DOCK1: variants seen among roughly 807,000 people sequenced by gnomAD.
DOCK1 encodes the protein dedicator of cytokinesis protein 1.
A neutral mutation model predicts 262.7 loss-of-function variants in DOCK1; 138 were observed. The observed-to-expected ratio is 0.53, with a 90% CI of 0.46 to 0.61. The LOEUF is 0.61. DOCK1 is among the 20% of genes least tolerant of loss of function. The pLI is 0.00. For missense variants in DOCK1, 1,908 were observed against 2,370.7 expected, an observed-to-expected ratio of 0.80 and a Z score of 4.05; for synonymous variants, 866 against 867.4, an observed-to-expected ratio of 1.00 and a Z score of 0.03.
chr10:127,334,828 T>C (rs1348763522), intron 29 of DOCK1, among the ~76,000 whole-genome samples: 1 of 152,200 alleles, frequency 6.6e-6, no homozygotes, highest in African/African-American at 2.4e-5. Context: ...AAGACATAAT[T>C]TGTGTGGTTC....
At chr10:127,223,599 A>G (rs2058522033) in intron 27 of DOCK1, among the ~76,000 whole-genome samples, 1 of 152,202 alleles carries the variant, frequency 6.6e-6, no homozygotes, top group African/African-American at 2.4e-5. Flanking sequence ...CAAACTCTGA[A>G]ATAATCTGCA....
chr10:127,329,769 GGAC>G (rs934840343), intron 29 of DOCK1, among the ~76,000 whole-genome samples: 11 of 152,150 alleles, frequency 7.2e-5, no homozygotes, highest in African/African-American at 2.7e-4. Context: ...TGAAATAGGT[GGAC>G]GAGGCAGGAT....
intron 28 of DOCK1, among the ~76,000 whole-genome samples, chr10:127,253,959 A>G (rs1345328360): frequency 2.2e-4 from 34 of 151,118 alleles, no homozygotes; most frequent in Admixed American, 2.1e-3. Context: ...TGCTTCCGTC[A>G]TGTGTCTCCA....
chr10:127,166,003 G>A (rs2054037612), intron 27 of DOCK1, among the ~76,000 whole-genome samples: 1 of 152,068 alleles, frequency 6.6e-6, no homozygotes, highest in Non-Finnish European at 1.5e-5. Flanking sequence ...CAAGTAAAAG[G>A]GAAAATCCAG....
At chr10:127,152,795 A>G (rs147655320) in intron 27 of DOCK1, among the ~76,000 whole-genome samples, 327 of 152,320 alleles carry the variant, frequency 2.1e-3, no homozygotes, top group Non-Finnish European at 3.5e-3. Context: ...TTCGGTGCCT[A>G]TCTCTACCTG....
chr10:127,014,956 G>C (rs141491988), intron 12 of DOCK1: 3 of 152,204 alleles, frequency 2.0e-5, no homozygotes, highest in Admixed American at 2.0e-4. Flanking sequence ...TGCAGCCAGC[G>C]CCAGGACCTG....
intron 29 of DOCK1, among the ~76,000 whole-genome samples, chr10:127,259,789 A>ATTT (rs10534535): frequency 2.0e-4 from 29 of 144,988 alleles, no homozygotes; most frequent in African/African-American, 2.6e-4. Context: ...TTAGTTCATG[A>ATTT]TTTTTTTTTT....
chr10:127,340,370 T>C (rs1386377709), intron 30 of DOCK1, among the ~76,000 whole-genome samples: 1 of 152,208 alleles, frequency 6.6e-6, no homozygotes, highest in Non-Finnish European at 1.5e-5. Context: ...TTGTCACGCT[T>C]TCAGCATTTA....
intron 27 of DOCK1, among the ~76,000 whole-genome samples, chr10:127,197,508 C>T (rs1005176823): frequency 3.3e-5 from 5 of 151,174 alleles, no homozygotes; most frequent in African/African-American, 1.2e-4. Context: ...GGCTCCTGGC[C>T]CCCTGGATTT....
At chr10:127,090,325 G>C (rs928422061) in intron 23 of DOCK1, among the ~76,000 whole-genome samples, 5 of 152,090 alleles carry the variant, frequency 3.3e-5, no homozygotes, top group African/African-American at 1.2e-4. Flanking sequence ...GGTGTTTGTC[G>C]GTCGCCGCTG....
intron 27 of DOCK1, among the ~76,000 whole-genome samples, chr10:127,168,971 G>T (rs769783857): frequency 6.6e-6 from 1 of 152,152 alleles, no homozygotes; most frequent in Non-Finnish European, 1.5e-5. Context: ...CCCCTGACAG[G>T]TCTCTCTGAT....
At chr10:127,215,134 A>G (rs2058149476) in intron 27 of DOCK1, among the ~76,000 whole-genome samples, 1 of 152,042 alleles carries the variant, frequency 6.6e-6, no homozygotes. Context: ...CCTCGCTATC[A>G]GCCTTCTTTA....
chr10:127,153,578 C>T (rs955775604), intron 27 of DOCK1, among the ~76,000 whole-genome samples: 2 of 152,284 alleles, frequency 1.3e-5, no homozygotes, highest in African/African-American at 2.4e-5. Context: ...TCACACCTAT[C>T]GATTCCAAGG....
At chr10:127,018,195 G>A (rs1439279238) in intron 12 of DOCK1, among the ~76,000 whole-genome samples, 1 of 152,206 alleles carries the variant, frequency 6.6e-6, no homozygotes, top group Non-Finnish European at 1.5e-5. Flanking sequence ...GGGCTGTCCT[G>A]CTGGTGGCCC....
At chr10:127,177,531 G>A (rs2055280910) in intron 27 of DOCK1, among the ~76,000 whole-genome samples, 1 of 152,218 alleles carries the variant, frequency 6.6e-6, no homozygotes, top group East Asian at 1.9e-4. Context: ...ACAGTCAAAC[G>A]GAAGGCACTG....
intron 27 of DOCK1, among the ~76,000 whole-genome samples, chr10:127,154,503 A>G (rs2133535864): frequency 6.6e-6 from 1 of 152,394 alleles, no homozygotes; most frequent in South Asian, 2.1e-4. Context: ...TTTACTTTTG[A>G]AAATAAAATG....
chr10:127,357,117 C>T (rs768312397), intron 32 of DOCK1, among the ~76,000 whole-genome samples: 9 of 152,288 alleles, frequency 5.9e-5, no homozygotes, highest in Non-Finnish European at 1.2e-4. Context: ...CCAGGATCCT[C>T]CACTGCTCTC....
intron 29 of DOCK1, among the ~76,000 whole-genome samples, chr10:127,284,625 G>A (rs1450283765): frequency 6.6e-6 from 1 of 152,154 alleles, no homozygotes; most frequent in Non-Finnish European, 1.5e-5. Context: ...AGTGGCTCAT[G>A]CCTGTAATCC....
rs769441289 is a variant in DOCK1, at chr10:126,996,780, A to G, written c.506A>G (p.Glu169Gly). The G allele has an allele frequency of 1.4e-5, 23 of 1,612,348 alleles. No homozygotes were observed. The South Asian group carries it at 1.7e-4, about 12-fold the overall frequency. Residue 169 changes from glutamate to glycine, a missense_variant, in exon 7 of 52, where the codon GAA becomes GGA. Physicochemically the swap from Glu to Gly is moderately conservative, Grantham distance 98. Coordinates refer to ENST00000623213, the MANE Select transcript of DOCK1 (RefSeq NM_001290223.2). ...GATTTGGACCTGGTGGTTAGAGATG[A>G]AGATGGGAATATTTTGGATCCAGAA... ...ILDLDLVVRD[E>G]DGNILDPELT...
Sources: gnomAD v4.1 joint callset for allele counts (sites outside exome capture counted in the v4.1 genomes callset) on GRCh38, gnomAD v4.1.1 for gene constraint, MANE v1.5 for transcripts, NCBI Gene and HGNC (gene_info 2026-07-23, HGNC 2026-07-21) for gene names.